The following ZNF385D variants were observed in gnomAD, a reference collection of about 807,000 sequenced individuals.
ZNF385D encodes zinc finger protein 659.
A neutral mutation model predicts 35.8 loss-of-function variants in ZNF385D; 15 were observed. The ratio of observed to expected loss-of-function variants is 0.42; its 90% CI spans 0.28 to 0.64. The LOEUF (loss-of-function observed/expected upper bound fraction) is 0.64, where lower values mean the gene tolerates loss of function less well. ZNF385D is among the 30% of genes least tolerant of loss of function. The pLI is 0.23. For synonymous variants in ZNF385D, 212 were observed against 186.8 expected (o/e 1.13, Z -1.10); for missense variants, 474 against 494.6 (o/e 0.96, Z 0.39).
chr3:22,299,517 A>G (rs919026020), intron 2 of ZNF385D, among the ~76,000 whole-genome samples: 14 of 151,898 alleles, frequency 9.2e-5, no homozygotes, highest in African/African-American at 2.9e-4. Flanking sequence ...TGAACATCCA[A>G]ATTGGATAGT....
chr3:22,234,657 T>C (rs1240474004), intron 2 of ZNF385D, among the ~76,000 whole-genome samples: 1 of 152,052 alleles, frequency 6.6e-6, no homozygotes, highest in African/African-American at 2.4e-5. Context: ...TATATTCCCT[T>C]TGTGTTTCCA....
intron 1 of ZNF385D, among the ~76,000 whole-genome samples, chr3:21,714,202 A>C (rs550112901): frequency 9.2e-6 from 1 of 109,086 alleles, no homozygotes; most frequent in East Asian, 2.5e-4. Flanking sequence ...ATTAACAGTA[A>C]GTGGGCCTTC....
At chr3:21,761,553 G>C (rs570289667) in intron 3 of ZNF385D, among the ~76,000 whole-genome samples, 2 of 152,114 alleles carry the variant, frequency 1.3e-5, no homozygotes, top group African/African-American at 2.4e-5. Flanking sequence ...AATGAGTGAA[G>C]GTCATCAATC....
chr3:21,678,454 TAGAC>T (rs1466812657), intron 1 of ZNF385D, among the ~76,000 whole-genome samples: 1 of 152,062 alleles, frequency 6.6e-6, no homozygotes, highest in Non-Finnish European at 1.5e-5. Context: ...TGATATGTCT[TAGAC>T]AGTAGAAGTT....
chr3:21,842,543 T>A (rs1695747294), intron 3 of ZNF385D, among the ~76,000 whole-genome samples: 1 of 152,026 alleles, frequency 6.6e-6, no homozygotes, highest in African/African-American at 2.4e-5. Context: ...TCACAGATAC[T>A]CATGGCAATG....
chr3:21,675,276 C>A (rs1246896623), intron 1 of ZNF385D, among the ~76,000 whole-genome samples: 1 of 151,974 alleles, frequency 6.6e-6, no homozygotes, highest in Non-Finnish European at 1.5e-5. Context: ...CTTTCTTAAA[C>A]ATGGATTTCA....
chr3:21,452,883 G>A (rs1022410057), intron 4 of ZNF385D, among the ~76,000 whole-genome samples: 3 of 151,780 alleles, frequency 2.0e-5, no homozygotes, highest in African/African-American at 7.3e-5. Flanking sequence ...AAATAAAGGG[G>A]TACTAAATAG....
At chr3:21,849,273 C>T in intron 3 of ZNF385D, among the ~76,000 whole-genome samples, 1 of 145,074 alleles carries the variant, frequency 6.9e-6, no homozygotes, top group East Asian at 2.1e-4. Flanking sequence ...TGTAATAGTG[C>T]CACTTCTTAT....
chr3:21,568,736 T>A (rs2063231790), intron 2 of ZNF385D, among the ~76,000 whole-genome samples: 1 of 152,170 alleles, frequency 6.6e-6, no homozygotes, highest in Non-Finnish European at 1.5e-5. Context: ...TTTTGTTTTT[T>A]AATTTACCAT....
chr3:21,585,866 C>T (rs189735816), intron 2 of ZNF385D, among the ~76,000 whole-genome samples: 1 of 152,142 alleles, frequency 6.6e-6, no homozygotes, highest in Admixed American at 6.5e-5. Context: ...TAAAATTGGT[C>T]CTAAAGCAAT....
chr3:22,190,996 A>G (rs1181310698), intron 2 of ZNF385D, among the ~76,000 whole-genome samples: 1 of 152,168 alleles, frequency 6.6e-6, no homozygotes, highest in Non-Finnish European at 1.5e-5. Flanking sequence ...GCTGTTATTC[A>G]TCTATAAGAA....
intron 4 of ZNF385D, among the ~76,000 whole-genome samples, chr3:21,456,877 C>T (rs1333108726): frequency 6.6e-6 from 1 of 152,156 alleles, no homozygotes; most frequent in Non-Finnish European, 1.5e-5. Context: ...TGTACACCAT[C>T]ACTCTGGATA....
At chr3:21,905,013 C>T (rs73129335) in intron 3 of ZNF385D, among the ~76,000 whole-genome samples, 19,556 of 151,546 alleles carry the variant, frequency 0.13, 1,877 homozygotes, top group East Asian at 0.33. Context: ...CTCATTAATA[C>T]TATAACAAAA....
intron 3 of ZNF385D, among the ~76,000 whole-genome samples, chr3:22,131,309 C>A (rs1437725984): frequency 1.3e-5 from 2 of 151,306 alleles, no homozygotes; most frequent in Non-Finnish European, 1.5e-5. Flanking sequence ...TCATTGGTGA[C>A]CTTAAAAAGA....
intron 3 of ZNF385D, among the ~76,000 whole-genome samples, chr3:22,101,673 G>C (rs546631865): frequency 2.0e-5 from 3 of 150,922 alleles, no homozygotes; most frequent in South Asian, 4.2e-4. Context: ...TGTACGTTTT[G>C]CAACAGTTCA....
chr3:22,318,478 G>C (rs544155072), intron 2 of ZNF385D, among the ~76,000 whole-genome samples: 2 of 152,244 alleles, frequency 1.3e-5, no homozygotes, highest in South Asian at 4.1e-4. Flanking sequence ...TATGGAGCTG[G>C]AGATGTGGAG....
chr3:21,764,345 A>G (rs1193684016), intron 3 of ZNF385D, among the ~76,000 whole-genome samples: 1 of 152,188 alleles, frequency 6.6e-6, no homozygotes, highest in Non-Finnish European at 1.5e-5. Context: ...AAAAACCACA[A>G]AGGATTTTCA....
intron 4 of ZNF385D, among the ~76,000 whole-genome samples, chr3:21,505,594 A>C (rs1009492687): frequency 6.6e-6 from 1 of 152,126 alleles, no homozygotes; most frequent in Admixed American, 6.6e-5. Flanking sequence ...GACATTGCCT[A>C]ACACTCCCCA....
intron 3 of ZNF385D, among the ~76,000 whole-genome samples, chr3:21,877,308 G>A (rs1340406851): frequency 1.3e-5 from 2 of 151,854 alleles, no homozygotes; most frequent in Non-Finnish European, 2.9e-5. Flanking sequence ...CCTGAAGTAG[G>A]GCCTCAAAAG....
Sources: gnomAD v4.1 joint callset for allele counts (sites outside exome capture counted in the v4.1 genomes callset) on GRCh38, gnomAD v4.1.1 for gene constraint, MANE v1.5 for transcripts, NCBI Gene and HGNC (gene_info 2026-07-23, HGNC 2026-07-21) for gene names.